LMNTD1: variants seen among roughly 807,000 people sequenced by gnomAD.
The protein encoded by LMNTD1 is lamin tail domain-containing protein 1.
LMNTD1 carries 35 observed loss-of-function variants against 50.9 expected under a neutral mutation model. The observed-to-expected ratio is 0.69, with a 90% CI of 0.53 to 0.91. LMNTD1 has a LOEUF of 0.91. Among genes scored for constraint, LMNTD1 ranks in the 40% least tolerant of loss-of-function variants. The probability of loss-of-function intolerance (pLI) is 0.00; values close to 1 mark genes in which losing one functional copy is unlikely to be tolerated. For missense variants in LMNTD1, 470 were observed against 475.5 expected (o/e 0.99, Z 0.11); for synonymous variants, 153 against 161.9 (o/e 0.94, Z 0.42).
intron 1 of LMNTD1, among the ~76,000 whole-genome samples, chr12:25,617,027 A>G (rs1946366030): frequency 6.6e-6 from 1 of 152,318 alleles, no homozygotes; most frequent in East Asian, 1.9e-4. Flanking sequence ...ATGTAACTCA[A>G]TATAGCTGTT....
rs1051766519 is a variant in LMNTD1 at position 25,503,232 on chromosome 12, T to C, written c.*22+506A>G. On this transcript the variant is annotated intron_variant, in intron 9 of 9. Coordinates refer to ENST00000458174, the MANE Select transcript of LMNTD1 (RefSeq NM_001145728.2). ...AGACAGAAAACCAACTTTGTTGAGATATTCCTCAATTACTTAGTTGATATC... is the reference window on the plus strand; with the variant it reads ...AGACAGAAAACCAACTTTGTTGAGACATTCCTCAATTACTTAGTTGATATC... 7.9e-5 allele frequency among the ~76,000 whole-genome samples: 12 copies of C among 152,326 alleles called. No individual in the cohort carries two copies. The East Asian group carries it at 2.3e-3, about 29-fold the overall frequency.
intron 9 of LMNTD1, among the ~76,000 whole-genome samples, chr12:25,476,808 T>A (rs1234675641): frequency 6.6e-6 from 1 of 152,244 alleles, no homozygotes; most frequent in Non-Finnish European, 1.5e-5. Context: ...AACTCCTGAC[T>A]GAAAGCAGCC....
At chr12:25,513,394 C>T (rs1021024596) in intron 8 of LMNTD1, among the ~76,000 whole-genome samples, 2 of 152,178 alleles carry the variant, frequency 1.3e-5, no homozygotes, top group Admixed American at 1.3e-4. Context: ...TGCCTGTAAT[C>T]CCAGCACTTT....
At position 25,510,035 on chromosome 12, in the gene LMNTD1, C is replaced by T. The variant is rs1300361575; in HGVS notation, c.1190-6235G>A. 2.0e-5 allele frequency among the ~76,000 whole-genome samples: 3 copies of T among 152,150 alleles called. No individual in the cohort carries two copies. The South Asian group carries it at 6.2e-4, about 32-fold the overall frequency. Reference sequence around the variant, plus strand: ...CCTCCCTAGGAAACTATACAGTTGTCATGTATTTAAATTCTATCTAAATTT... The same window carrying T: ...CCTCCCTAGGAAACTATACAGTTGTTATGTATTTAAATTCTATCTAAATTT... On this transcript the variant is annotated intron_variant, in intron 8 of 9. Coordinates refer to ENST00000458174, the MANE Select transcript of LMNTD1 (RefSeq NM_001145728.2).
intron 1 of LMNTD1, among the ~76,000 whole-genome samples, chr12:25,584,345 T>C (rs1248207138): frequency 6.6e-6 from 1 of 152,236 alleles, no homozygotes; most frequent in African/African-American, 2.4e-5. Context: ...AGGGACAAGC[T>C]TGGCCTTGAG....
intron 1 of LMNTD1, among the ~76,000 whole-genome samples, chr12:25,567,074 A>C (rs1480161459): frequency 6.6e-6 from 1 of 152,174 alleles, no homozygotes; most frequent in Non-Finnish European, 1.5e-5. Context: ...TGGATGACAT[A>C]GTGTCTGAAG....
At chr12:25,552,835 T>C (rs1233484091) in intron 2 of LMNTD1, 36 bp downstream of exon 2, 1 of 1,277,610 alleles carries the variant, frequency 7.8e-7, no homozygotes, top group East Asian at 2.5e-5. Context: ...ATAACTCAGC[T>C]CTAACTCTGC....
intron 8 of LMNTD1, among the ~76,000 whole-genome samples, chr12:25,504,392 C>T (rs753547894): frequency 3.3e-5 from 5 of 152,134 alleles, no homozygotes; most frequent in Non-Finnish European, 5.9e-5. Flanking sequence ...TTGAAAGTCA[C>T]TTTGTTTAAA....
intron 1 of LMNTD1, among the ~76,000 whole-genome samples, chr12:25,644,412 G>C (rs1947020624): frequency 6.6e-6 from 1 of 151,566 alleles, no homozygotes; most frequent in Non-Finnish European, 1.5e-5. Flanking sequence ...TTAAGCCTAG[G>C]AGGTTGAGGC....
At chr12:25,491,277 T>C (rs2135919793) in intron 9 of LMNTD1, among the ~76,000 whole-genome samples, 1 of 152,334 alleles carries the variant, frequency 6.6e-6, no homozygotes, top group East Asian at 1.9e-4. Context: ...AAGCAGACAT[T>C]GTATCTGAAA....
At chr12:25,640,733 G>A (rs1946942632) in intron 1 of LMNTD1, among the ~76,000 whole-genome samples, 1 of 151,828 alleles carries the variant, frequency 6.6e-6, no homozygotes, top group East Asian at 1.9e-4. Context: ...CGCAAACTCA[G>A]CTCACTACAA....
At chr12:25,598,212 A>G (rs1413739720) in intron 1 of LMNTD1, among the ~76,000 whole-genome samples, 3 of 152,120 alleles carry the variant, frequency 2.0e-5, no homozygotes, top group African/African-American at 7.2e-5. Flanking sequence ...GCAGCATGAG[A>G]ACAGAATAAT....
At chr12:25,615,278 C>T (rs1207800694) in intron 1 of LMNTD1, among the ~76,000 whole-genome samples, 1 of 152,054 alleles carries the variant, frequency 6.6e-6, no homozygotes, top group Admixed American at 6.6e-5. Flanking sequence ...CACATGAGCA[C>T]AATTCCTGGA....
intron 1 of LMNTD1, among the ~76,000 whole-genome samples, chr12:25,605,118 A>G (rs1946067177): frequency 6.6e-6 from 1 of 151,888 alleles, no homozygotes; most frequent in African/African-American, 2.4e-5. Context: ...GCATTTTTTC[A>G]TGTGTTTTTT....
intron 1 of LMNTD1, among the ~76,000 whole-genome samples, chr12:25,619,330 A>T (rs1338977060): frequency 6.6e-6 from 1 of 151,692 alleles, no homozygotes; most frequent in Non-Finnish European, 1.5e-5. Context: ...ACAAAAAACA[A>T]AACCTAAAGG....
At chr12:25,552,321 A>G (rs1302502686) in intron 2 of LMNTD1, among the ~76,000 whole-genome samples, 1 of 152,088 alleles carries the variant, frequency 6.6e-6, no homozygotes, top group Non-Finnish European at 1.5e-5. Flanking sequence ...TTAACATATT[A>G]AATGGGAACT....
intron 9 of LMNTD1, among the ~76,000 whole-genome samples, chr12:25,485,377 T>G (rs1938590257): frequency 7.9e-6 from 1 of 126,522 alleles, no homozygotes; most frequent in Non-Finnish European, 1.7e-5. Context: ...GTAAATTTGT[T>G]TGAGTTCATT....
chr12:25,478,107 C>T (rs543518355), intron 9 of LMNTD1, among the ~76,000 whole-genome samples: 4 of 152,100 alleles, frequency 2.6e-5, no homozygotes, highest in Admixed American at 1.3e-4. Context: ...TTTGCCTTTC[C>T]CAGCCCACTG....
intron 1 of LMNTD1, among the ~76,000 whole-genome samples, chr12:25,596,932 C>T (rs1474128776): frequency 6.6e-6 from 1 of 151,840 alleles, no homozygotes; most frequent in African/African-American, 2.4e-5. Flanking sequence ...GGCACAGAGT[C>T]TATTAGTTTT....
Sources: gnomAD v4.1 joint callset for allele counts (sites outside exome capture counted in the v4.1 genomes callset) on GRCh38, gnomAD v4.1.1 for gene constraint, MANE v1.5 for transcripts, NCBI Gene and HGNC (gene_info 2026-07-23, HGNC 2026-07-21) for gene names.